Variants in NIPAL3 observed in about 807,000 individuals in gnomAD.
NIPAL3 encodes the protein NIPA like domain containing 3, also known as NIPA-like protein 3.
A neutral mutation model predicts 47.2 loss-of-function variants in NIPAL3; 41 were observed. The ratio of observed to expected loss-of-function variants is 0.87; its 90% confidence interval spans 0.68 to 1.13. The LOEUF (loss-of-function observed/expected upper bound fraction) is 1.13. Among genes scored for constraint, NIPAL3 ranks in the 50% most tolerant of loss-of-function variants. The pLI is 0.00. For missense variants in NIPAL3, 449 were observed against 530.1 expected (o/e 0.85, Z 1.50); for synonymous variants, 194 against 209.6 (o/e 0.93, Z 0.64).
rs1049690872 is a variant in NIPAL3, at chr1:24,460,489, T to G, written c.871T>G (p.Phe291Val). The G allele has an allele frequency of 5.0e-6, 8 of 1,587,876 alleles. No individual in the cohort carries two copies. The highest frequency in any genetic ancestry group is 1.4e-5 in the African/African-American group (1 of 73,024). ...TTIAITAGAI[F>V]YLDFIGEDVL... ...ATGATTTGCTGCTGCAGGTGCAATA[T>G]TTTACCTGGACTTCATCGGGGAGGA... The change falls in exon 10 of 12, where the codon TTT (phenylalanine) becomes GTT (valine). Residue 291 changes from phenylalanine (F) to valine (V), a missense_variant. By Grantham distance (50) the Phe-to-Val change is conservative (BLOSUM62 -1). Coordinates refer to ENST00000374399, the MANE Select transcript of NIPAL3 (RefSeq NM_020448.5).
At chr1:24,460,281 C>T (rs1022183127) in intron 9 of NIPAL3, among the ~76,000 whole-genome samples, 200 bp from the exon 10 acceptor site, 1 of 152,134 alleles carries the variant, frequency 6.6e-6, no homozygotes, top group African/African-American at 2.4e-5. Flanking sequence ...ACATGGAGAT[C>T]AGAGGGGTCT....
rs1331968714 is a variant in NIPAL3, at chr1:24,471,501, A to T, written c.*2316A>T. 1 of 150,066 alleles carries T rather than the reference A, an allele frequency of 6.7e-6. No individual in the cohort carries two copies. Among genetic ancestry groups the T allele is most frequent in the Non-Finnish European group, 1.5e-5 (1 of 67,926 alleles). The allele number at this position is 150,066 out of a possible 1,614,324, so 9.3% of individuals were successfully genotyped here. On this transcript the variant is annotated 3_prime_UTR_variant, in exon 12 of 12. Transcript: ENST00000374399. ...GAGGCTGAGGTGGGAGGATCGCTAG[A>T]GCCCAGAGAGCCAAGGCTACAGTGA...
At chr1:24,465,855 C>A (rs867227169) in intron 11 of NIPAL3, 18 of 1,274,326 alleles carry the variant, frequency 1.4e-5, no homozygotes, top group Middle Eastern at 4.0e-4. Flanking sequence ...GCTTTAAAAA[C>A]CTTTGGAAGT....
At chr1:24,445,049 G>A (rs916583108) in intron 4 of NIPAL3, 136 bp from the exon 5 acceptor site, 2 of 589,966 alleles carry the variant, frequency 3.4e-6, no homozygotes, top group Non-Finnish European at 6.0e-6. Flanking sequence ...CAGGAACCAA[G>A]CTTTTGGCAG....
At chr1:24,430,553 G>A (rs751467746) in intron 2 of NIPAL3, among the ~76,000 whole-genome samples, 1 of 152,136 alleles carries the variant, frequency 6.6e-6, no homozygotes, top group East Asian at 1.9e-4. Context: ...CTAGGCTCCA[G>A]TATCACTAAA....
rs1375465842 is a variant in NIPAL3 at position 24,469,583 on chromosome 1, C to G, written c.*398C>G. 5.7e-6 allele frequency: 1 copy of G among 174,360 alleles called. No homozygotes were observed. The highest frequency in any genetic ancestry group is 2.4e-5 in the African/African-American group (1 of 42,240). 10.8% of individuals were successfully genotyped at this position (174,360 alleles called of 1,614,324 possible). A position where few individuals can be genotyped will look rare whatever the true frequency, so the allele number is the denominator to read the frequency against. ...TCAAATCCAGCGAAAGGCTGGACAT[C>G]TCTAAATCTCGTCTTCCTCCACCTC... On this transcript the variant is annotated 3_prime_UTR_variant, in exon 12 of 12. Coordinates refer to ENST00000374399, the MANE Select transcript of NIPAL3 (RefSeq NM_020448.5).
intron 3 of NIPAL3, among the ~76,000 whole-genome samples, chr1:24,441,771 C>T (rs1370572132): frequency 6.6e-6 from 1 of 152,148 alleles, no homozygotes; most frequent in African/African-American, 2.4e-5. Flanking sequence ...CAGGCTCATC[C>T]ACACCTCTCC....
intron 9 of NIPAL3, 126 bp from the exon 10 acceptor site, chr1:24,460,355 C>A: frequency 1.4e-6 from 1 of 734,622 alleles, no homozygotes; most frequent in Admixed American, 3.6e-5. Flanking sequence ...TCTTGTAAGG[C>A]ACAGTCATAA....
At chr1:24,425,538 A>G (rs1261035521) in intron 2 of NIPAL3, among the ~76,000 whole-genome samples, 1 of 152,212 alleles carries the variant, frequency 6.6e-6, no homozygotes, top group African/African-American at 2.4e-5. Context: ...ACACAAAAAT[A>G]GAGATACAAC....
intron 2 of NIPAL3, among the ~76,000 whole-genome samples, chr1:24,423,374 C>G (rs1644420251): frequency 6.6e-6 from 1 of 152,216 alleles, no homozygotes; most frequent in African/African-American, 2.4e-5. Context: ...GAAGGAGGCA[C>G]TCACGCCTGT....
chr1:24,431,952 G>T (rs1188578693), intron 2 of NIPAL3, among the ~76,000 whole-genome samples: 2 of 151,366 alleles, frequency 1.3e-5, no homozygotes, highest in Non-Finnish European at 2.9e-5. Context: ...TCCCTGTCAC[G>T]TAGAGTACCC....
intron 2 of NIPAL3, among the ~76,000 whole-genome samples, chr1:24,434,221 C>T (rs1411915406): frequency 6.6e-6 from 1 of 151,694 alleles, no homozygotes; most frequent in Non-Finnish European, 1.5e-5. Flanking sequence ...TTCAAAGACA[C>T]AAATAGATTG....
chr1:24,425,708 A>T (rs1204598509), intron 2 of NIPAL3, among the ~76,000 whole-genome samples: 3 of 152,158 alleles, frequency 2.0e-5, no homozygotes, highest in African/African-American at 7.2e-5. Flanking sequence ...ATTTTCTAGC[A>T]TTATAACTTG....
intron 6 of NIPAL3, among the ~76,000 whole-genome samples, chr1:24,452,596 A>G (rs1234833004): frequency 6.6e-6 from 1 of 152,228 alleles, no homozygotes; most frequent in Non-Finnish European, 1.5e-5. Context: ...GTTTAGAGGC[A>G]GACCTAAGTT....
At chr1:24,446,572 T>C (rs6424096) in intron 5 of NIPAL3, among the ~76,000 whole-genome samples, 146,921 of 152,288 alleles carry the variant, frequency 0.96, 70,911 homozygotes, top group East Asian at 1. Context: ...TAATGGCTTC[T>C]ACCTCCATCC....
At chr1:24,413,888 A>G (rs927854982), upstream of NIPAL3, 1 of 152,220 alleles carries the variant, frequency 6.6e-6, no homozygotes, top group African/African-American at 2.4e-5. Flanking sequence ...GCTTAGGTTA[A>G]TTACATCAGG....
chr1:24,471,457 T>G lies in NIPAL3; in HGVS notation c.*2272T>G, dbSNP rs1327113332. ...TTAGCTGGGTGTGGTGGTGCATGCCTGTGATCCTAGCTACTCAGGAGGCTG... is the reference window on the plus strand; with the variant it reads ...TTAGCTGGGTGTGGTGGTGCATGCCGGTGATCCTAGCTACTCAGGAGGCTG... On this transcript the variant is annotated 3_prime_UTR_variant, in exon 12 of 12. Coordinates refer to ENST00000374399, the MANE Select transcript of NIPAL3 (RefSeq NM_020448.5). The G allele has an allele frequency of 6.6e-6, 1 of 152,600 alleles. No individual in the cohort carries two copies. Among genetic ancestry groups the G allele is most frequent in the African/African-American group, 2.4e-5 (1 of 41,350 alleles). 9.5% of individuals were successfully genotyped at this position (152,600 alleles called of 1,614,324 possible).
In NIPAL3 at chr1:24,468,855, A is replaced by T. The variant is rs180804166; in HGVS notation, c.1022-131A>T. Reference sequence around the variant, plus strand: ...GGGTGTTCTCTTTTAAATCTAAAGCATTCAGGAAATTGACAATGCACATGA... The same window carrying T: ...GGGTGTTCTCTTTTAAATCTAAAGCTTTCAGGAAATTGACAATGCACATGA... On this transcript the variant is annotated intron_variant, in intron 11 of 11. Transcript: ENST00000374399. 246 of 803,642 alleles carry T rather than the reference A, an allele frequency of 3.1e-4. No individual in the cohort carries two copies. The East Asian group carries it at 5.9e-3, about 19-fold the overall frequency. 49.8% of individuals were successfully genotyped at this position (803,642 alleles called of 1,614,324 possible).
intron 2 of NIPAL3, among the ~76,000 whole-genome samples, chr1:24,422,422 C>T (rs111906563): frequency 4.6e-5 from 7 of 152,108 alleles, no homozygotes; most frequent in Non-Finnish European, 2.9e-5. Flanking sequence ...AGGTAGAGTT[C>T]ATAGATGGTC....
Sources: gnomAD v4.1 joint callset for allele counts (sites outside exome capture counted in the v4.1 genomes callset) on GRCh38, gnomAD v4.1.1 for gene constraint, MANE v1.5 for transcripts, NCBI Gene and HGNC (gene_info 2026-07-23, HGNC 2026-07-21) for gene names.